The following INVS variants were observed in gnomAD, a reference collection of about 807,000 sequenced individuals.
The protein encoded by INVS is inversion of embryo turning homolog.
In INVS, 86 loss-of-function variants were observed where a neutral mutation model predicts 108.8. The observed-to-expected ratio is 0.79, with a 90% confidence interval of 0.66 to 0.95. The LOEUF is 0.95. Ranked by LOEUF, INVS falls within the 40% of genes least tolerant of loss-of-function variation. The probability of loss-of-function intolerance (pLI) is 0.00; values close to 1 mark genes in which losing one functional copy is unlikely to be tolerated. For synonymous variants in INVS, 455 were observed against 473.5 expected (o/e 0.96, Z 0.51); for missense variants, 1,169 against 1,297.4 (o/e 0.90, Z 1.52).
intron 13 of INVS, among the ~76,000 whole-genome samples, chr9:100,290,862 T>C (rs973654951): frequency 5.3e-5 from 8 of 151,986 alleles, no homozygotes; most frequent in Admixed American, 2.6e-4. Flanking sequence ...AGGCATGCAC[T>C]ACCATGTCTG....
rs1353915810 is a variant in INVS, at chr9:100,169,954, A to G, written c.273+43405A>G. 2.0e-5 allele frequency among the ~76,000 whole-genome samples: 3 copies of G among 152,110 alleles called. No individual in the cohort carries two copies. The East Asian group carries it at 5.8e-4, about 29-fold the overall frequency. ...CCCTTCAAACCCTGAGGTCCATACT[A>G]TTTATTACCATTACAAATGTTTCAT... On this transcript the variant is annotated intron_variant, in intron 3 of 16. Coordinates refer to ENST00000262457, the MANE Select transcript of INVS (RefSeq NM_014425.5).
chr9:100,259,557 C>CA (rs1554727488), intron 10 of INVS, among the ~76,000 whole-genome samples: 59 of 132,974 alleles, frequency 4.4e-4, no homozygotes, highest in African/African-American at 1.6e-3. Flanking sequence ...GAACTGGGGC[C>CA]TTTTTTTTTT....
rs918619865 is a variant in INVS, at chr9:100,152,755, A to G, written c.273+26206A>G. 2.6e-5 allele frequency among the ~76,000 whole-genome samples: 4 copies of G among 152,350 alleles called. No individual in the cohort carries two copies. In the East Asian group the frequency reaches 7.7e-4, roughly 29 times the overall value. On this transcript the variant is annotated intron_variant, in intron 3 of 16. Coordinates refer to ENST00000262457, the MANE Select transcript of INVS (RefSeq NM_014425.5). ...ATAGTAAAATTAACATTTCACCAAT[A>G]TAACTACTCATTTTCAGGCAATTTA...
intron 3 of INVS, among the ~76,000 whole-genome samples, chr9:100,160,555 A>C (rs1829137643): frequency 6.6e-6 from 1 of 152,040 alleles, no homozygotes; most frequent in African/African-American, 2.4e-5. Flanking sequence ...GTTCTACTTC[A>C]CTTCCATAAG....
intron 3 of INVS, among the ~76,000 whole-genome samples, chr9:100,165,536 C>T (rs1425980811): frequency 1.3e-5 from 2 of 152,092 alleles, no homozygotes; most frequent in African/African-American, 4.8e-5. Context: ...GCTTGATTCT[C>T]CCTCTTTATT....
chr9:100,159,325 G>A (rs565593039), intron 3 of INVS, among the ~76,000 whole-genome samples: 205 of 152,274 alleles, frequency 1.3e-3, no homozygotes, highest in African/African-American at 4.6e-3. Flanking sequence ...ATTTTCAAAG[G>A]CTTGGAGATA....
intron 11 of INVS, among the ~76,000 whole-genome samples, chr9:100,268,042 C>T (rs943342239): frequency 1.3e-5 from 2 of 152,004 alleles, no homozygotes; most frequent in African/African-American, 4.8e-5. Context: ...GATCCCGACC[C>T]CAAGAGAGGG....
At chr9:100,299,632 A>T (rs1024967147) in intron 16 of INVS, among the ~76,000 whole-genome samples, 1 of 113,252 alleles carries the variant, frequency 8.8e-6, no homozygotes, top group African/African-American at 3.5e-5. Flanking sequence ...AGAGCCTTTT[A>T]TTGACACACA....
intron 3 of INVS, among the ~76,000 whole-genome samples, chr9:100,217,016 T>C (rs9408995): frequency 0.31 from 47,870 of 151,986 alleles, 8,638 homozygotes; most frequent in Non-Finnish European, 0.42. Context: ...TCAAGAAAAC[T>C]ATGTCTCTCC....
chr9:100,140,650 A>G (rs10988981), intron 3 of INVS, among the ~76,000 whole-genome samples: 31,932 of 152,012 alleles, frequency 0.21, 5,700 homozygotes, highest in African/African-American at 0.49. Context: ...GTGTTGGGAC[A>G]GCGAAAATTT....
At chr9:100,227,783 C>T (rs1298331721) in intron 4 of INVS, among the ~76,000 whole-genome samples, 1 of 151,750 alleles carries the variant, frequency 6.6e-6, no homozygotes, top group East Asian at 1.9e-4. Context: ...ATTACTTCTT[C>T]AAAGACATTT....
chr9:100,232,664 A>C (rs1831549565), intron 5 of INVS, among the ~76,000 whole-genome samples: 1 of 152,170 alleles, frequency 6.6e-6, no homozygotes, highest in Non-Finnish European at 1.5e-5. Context: ...AGATGATTGT[A>C]GATGTGTGAC....
chr9:100,100,613 A>AAT (rs1554712395), intron 1 of INVS, among the ~76,000 whole-genome samples: 3 of 72,440 alleles, frequency 4.1e-5, no homozygotes, highest in Admixed American at 2.4e-4. Flanking sequence ...TAATATATAT[A>AAT]ATATATGTAT....
intron 3 of INVS, among the ~76,000 whole-genome samples, chr9:100,146,001 G>C (rs1249859633): frequency 4.6e-5 from 7 of 152,208 alleles, no homozygotes; most frequent in Admixed American, 3.3e-4. Flanking sequence ...CCTTGGGCTG[G>C]TGGGTCTGAG....
At chr9:100,128,072 G>A (rs1349238552) in intron 3 of INVS, among the ~76,000 whole-genome samples, 1 of 152,142 alleles carries the variant, frequency 6.6e-6, no homozygotes, top group Non-Finnish European at 1.5e-5. Context: ...AGATTATGTG[G>A]AGCAAGTGAG....
chr9:100,268,874 C>T (rs1221956721), intron 11 of INVS, among the ~76,000 whole-genome samples: 2 of 152,176 alleles, frequency 1.3e-5, no homozygotes, highest in Admixed American at 6.5e-5. Flanking sequence ...GATCAGCATT[C>T]TTTAGGGTAT....
chr9:100,296,992 G>A lies in INVS; in HGVS notation c.2862G>A (p.Arg954=). The A allele has an allele frequency of 6.2e-7, 1 of 1,614,082 alleles. No individual in the cohort carries two copies. Among genetic ancestry groups the A allele is most frequent in the Non-Finnish European group, 8.5e-7 (1 of 1,180,000 alleles). ...QLGAGDVDRW[R]QESTALLLQV... The stretch of plus-strand genomic sequence containing the variant: ...GAGCTGGAGATGTGGACAGATGGAG[G>A]CAAGAGTCTACAGCATTGCTCCTCC... The change falls in exon 15 of 17, where the codon AGG becomes AGA. Residue 954 remains arginine, a synonymous_variant. Coordinates refer to ENST00000262457, the MANE Select transcript of INVS (RefSeq NM_014425.5).
intron 2 of INVS, among the ~76,000 whole-genome samples, chr9:100,119,758 A>C (rs1397290974): frequency 6.6e-6 from 1 of 152,094 alleles, no homozygotes; most frequent in Non-Finnish European, 1.5e-5. Context: ...ATGGGGTTTC[A>C]CCATGTTAGC....
At chr9:100,173,798 AC>A (rs1405698409) in intron 3 of INVS, among the ~76,000 whole-genome samples, 1 of 152,190 alleles carries the variant, frequency 6.6e-6, no homozygotes, top group Non-Finnish European at 1.5e-5. Flanking sequence ...GGAAGGCCTA[AC>A]CTCTACATAT....
Sources: gnomAD v4.1 joint callset for allele counts (sites outside exome capture counted in the v4.1 genomes callset) on GRCh38, gnomAD v4.1.1 for gene constraint, MANE v1.5 for transcripts, NCBI Gene and HGNC (gene_info 2026-07-23, HGNC 2026-07-21) for gene names.